Variants in PCDH11X observed in about 807,000 individuals in gnomAD.
PCDH11X encodes the protein protocadherin 11 X-linked.
Under a neutral mutation model 53.3 loss-of-function variants are expected in PCDH11X, and 18 were observed. The ratio of observed to expected loss-of-function variants is 0.34; its 90% CI spans 0.23 to 0.50. The LOEUF is 0.50. PCDH11X is among the 20% of genes least tolerant of loss of function. PCDH11X has a pLI of 0.98. For missense variants in PCDH11X, 570 were observed against 1,032.4 expected, an observed-to-expected ratio of 0.55 and a Z score of 6.14; for synonymous variants, 279 against 393.3, an observed-to-expected ratio of 0.71 and a Z score of 3.44.
chrX:92,086,087 T>C (rs2063945489), intron 6 of PCDH11X, among the ~76,000 whole-genome samples: 2 of 111,724 alleles, frequency 1.8e-5, no homozygotes, highest in East Asian at 5.6e-4. Flanking sequence ...TTTTGGCTTT[T>C]ACTTTTACTG....
chrX:92,087,855 A>C (rs1051509701), intron 6 of PCDH11X, among the ~76,000 whole-genome samples: 1 of 108,847 alleles, frequency 9.2e-6, no homozygotes, highest in African/African-American at 3.3e-5. Context: ...GTTATGCTGA[A>C]TGATTAATGT....
At chrX:91,808,981 C>T (rs1401808721) in intron 1 of PCDH11X, among the ~76,000 whole-genome samples, 1 of 105,697 alleles carries the variant, frequency 9.5e-6, no homozygotes, top group Non-Finnish European at 1.9e-5. Context: ...AATTTCAGCT[C>T]ATTTGTAATT....
At chrX:92,061,490 T>C (rs1196644401) in intron 6 of PCDH11X, among the ~76,000 whole-genome samples, 1 of 107,365 alleles carries the variant, frequency 9.3e-6, no homozygotes, top group South Asian at 3.9e-4. Context: ...TAATTCATCT[T>C]AAGTAGATTT....
At position 92,618,479 on chromosome X, in the gene PCDH11X, C is replaced by T. The variant is rs745920457; in HGVS notation, c.3583C>T (p.Leu1195Phe). 6 of 1,211,963 alleles carry T rather than the reference C, an allele frequency of 5.0e-6. No homozygotes were observed. The highest frequency in any genetic ancestry group is 6.7e-6 in the Non-Finnish European group (6 of 895,503). ...CCCACGAGTGACACAGACCATTGCT[C>T]TCTGCCACAGCCCTCCAGTGACACA... ...HSPRVTQTIA[L>F]CHSPPVTQTI... Residue 1195 changes from leucine (L) to phenylalanine (F), a missense_variant, in exon 11 of 11, where the codon CTC (leucine) becomes TTC (phenylalanine). This residue lies in a region of PCDH11X where 234 missense variants were observed against 296.1 expected (regional missense o/e 0.79). Transcript: ENST00000682573.
At chrX:91,797,301 TTGTTG>T (rs1266608980) in intron 1 of PCDH11X, among the ~76,000 whole-genome samples, 1 of 108,052 alleles carries the variant, frequency 9.3e-6, no homozygotes, top group Non-Finnish European at 1.9e-5. Context: ...AATTCTACTT[TTGTTG>T]TAGATTATAT....
intron 10 of PCDH11X, among the ~76,000 whole-genome samples, chrX:92,559,468 CA>C: frequency 9.1e-6 from 1 of 110,105 alleles, no homozygotes; most frequent in East Asian, 2.9e-4. Flanking sequence ...CACACACACA[CA>C]CCACTGTCAT....
At chrX:92,572,875 C>A (rs1459296796) in intron 10 of PCDH11X, among the ~76,000 whole-genome samples, 1 of 105,946 alleles carries the variant, frequency 9.4e-6, no homozygotes, top group Non-Finnish European at 2.0e-5. Flanking sequence ...CAGAGTGACA[C>A]TCCATCTCAA....
intron 4 of PCDH11X, among the ~76,000 whole-genome samples, chrX:91,813,280 G>T (rs865960056): frequency 9.1e-6 from 1 of 109,640 alleles, no homozygotes; most frequent in Non-Finnish European, 1.9e-5. Context: ...ACTTTTTCTT[G>T]CTGACTGCCA....
At chrX:92,167,525 T>C (rs2065755565) in intron 6 of PCDH11X, among the ~76,000 whole-genome samples, 1 of 112,107 alleles carries the variant, frequency 8.9e-6, no homozygotes. Context: ...CTCTTATCTA[T>C]GTTATTTGTC....
At chrX:92,142,733 C>T (rs1213156074) in intron 6 of PCDH11X, among the ~76,000 whole-genome samples, 1 of 110,512 alleles carries the variant, frequency 9.0e-6, no homozygotes. Flanking sequence ...TTTTTTTCTG[C>T]CGTGAACTAC....
intron 6 of PCDH11X, among the ~76,000 whole-genome samples, chrX:91,895,619 TC>T (rs1940710939): frequency 9.1e-6 from 1 of 109,861 alleles, no homozygotes; most frequent in Non-Finnish European, 1.9e-5. Context: ...GACAGAAATA[TC>T]AAATAATTTT....
At chrX:92,182,795 C>A in intron 6 of PCDH11X, among the ~76,000 whole-genome samples, 1 of 111,426 alleles carries the variant, frequency 9.0e-6, no homozygotes, top group Non-Finnish European at 1.9e-5. Context: ...GTCCATTAAA[C>A]CTCTTTCTTT....
rs1047415493 is a variant in PCDH11X at position 92,623,067 on chromosome X, CA to C, written c.*4130del. 1 of 110,548 alleles carries C rather than the reference CA, an allele frequency of 9.0e-6. No homozygotes were observed. Among genetic ancestry groups the C allele is most frequent in the African/African-American group, 3.3e-5 (1 of 30,394 alleles). The allele number at this position is 110,548 out of a possible 1,213,427, so 9.1% of individuals were successfully genotyped here. ...CAGCATCTGAAAGTGAACAGTATCC[CA>C]AAGCAGTTCCAACCATGCTTTGGAA... On this transcript the variant is annotated 3_prime_UTR_variant, in exon 11 of 11. Coordinates refer to ENST00000682573, the MANE Select transcript of PCDH11X (RefSeq NM_032968.5).
intron 10 of PCDH11X, among the ~76,000 whole-genome samples, chrX:92,502,352 G>A (rs1294016081): frequency 2.3e-5 from 2 of 88,129 alleles, no homozygotes; most frequent in Non-Finnish European, 4.8e-5. Flanking sequence ...CATTCTTCAC[G>A]GAATTAAAAA....
intron 6 of PCDH11X, among the ~76,000 whole-genome samples, chrX:91,959,540 C>T (rs748836206): frequency 1.9e-5 from 2 of 107,285 alleles, no homozygotes; most frequent in South Asian, 8.7e-4. Flanking sequence ...TAAATGGAAT[C>T]ATGCAGTATT....
chrX:92,004,942 A>C (rs1194875087), intron 6 of PCDH11X, among the ~76,000 whole-genome samples: 3 of 108,788 alleles, frequency 2.8e-5, no homozygotes, highest in Non-Finnish European at 3.8e-5. Context: ...CGCCCGGCTA[A>C]TTTTTTGTAT....
rs374721581 is a variant in PCDH11X at position 92,343,176 on chromosome X, TGCA to T, written c.3145-44558_3145-44556del. Among the ~76,000 whole-genome samples the T allele has an allele frequency of 2.7e-3, 309 of 112,484 alleles. 6 individuals carry two copies. In the East Asian group the frequency reaches 0.052, roughly 19 times the overall value. On this transcript the variant is annotated intron_variant, in intron 8 of 10. Transcript: ENST00000682573. ...GCAAAGTCCATTTTCAAAATGGGTT[TGCA>T]CCAAAGCTGTTTGGAAGGCCAATCT...
intron 6 of PCDH11X, among the ~76,000 whole-genome samples, chrX:92,153,337 TAC>T (rs60031124): frequency 0.25 from 26,282 of 104,016 alleles, 3,228 homozygotes; most frequent in East Asian, 0.86. Flanking sequence ...TAAATAAATA[TAC>T]ACACACACAC....
chrX:92,324,870 C>G (rs926844117), intron 8 of PCDH11X, among the ~76,000 whole-genome samples: 1 of 100,811 alleles, frequency 9.9e-6, no homozygotes, highest in Non-Finnish European at 2.0e-5. Flanking sequence ...CTTGTCTCTT[C>G]TTTGTGTCTA....
Sources: allele counts gnomAD v4.1 joint callset (sites outside exome capture counted in the v4.1 genomes callset), GRCh38; gene constraint gnomAD v4.1.1; regional missense constraint gnomAD v4.1.1; transcripts MANE v1.5; gene names NCBI Gene and HGNC (gene_info 2026-07-23, HGNC 2026-07-21).